ARHGAP32: variants seen among roughly 807,000 people sequenced by gnomAD.
ARHGAP32 encodes the protein rho GTPase-activating protein 32.
Under a neutral mutation model 186.5 loss-of-function variants are expected in ARHGAP32, and 51 were observed. The ratio of observed to expected loss-of-function variants is 0.27; its 90% confidence interval spans 0.22 to 0.35. ARHGAP32 has a LOEUF of 0.35. ARHGAP32 is among the 10% of genes least tolerant of loss of function. ARHGAP32 has a pLI of 1.00. For missense variants in ARHGAP32, 2,186 were observed against 2,623.5 expected (o/e 0.83, Z 3.64); for synonymous variants, 950 against 964.3 (o/e 0.99, Z 0.27).
chr11:129,022,861 ATTTTAGAT>A (rs963938191), intron 11 of ARHGAP32, among the ~76,000 whole-genome samples: 7 of 152,146 alleles, frequency 4.6e-5, no homozygotes, highest in African/African-American at 9.7e-5. Flanking sequence ...AACCTAAGAC[ATTTTAGAT>A]TTCTATCTTC....
At chr11:129,232,663 G>A (rs1288881019) in intron 1 of ARHGAP32, among the ~76,000 whole-genome samples, 1 of 152,084 alleles carries the variant, frequency 6.6e-6, no homozygotes, top group Admixed American at 6.6e-5. Context: ...TGAAGGCTGG[G>A]GGGAAAAATT....
At chr11:129,020,705 C>A (rs1189351841) in intron 11 of ARHGAP32, among the ~76,000 whole-genome samples, 1 of 152,020 alleles carries the variant, frequency 6.6e-6, no homozygotes, top group Non-Finnish European at 1.5e-5. Context: ...TCTCTAGGAA[C>A]CACTTTTTAA....
chr11:129,154,745 G>C (rs1943363385), intron 2 of ARHGAP32, among the ~76,000 whole-genome samples: 1 of 152,122 alleles, frequency 6.6e-6, no homozygotes, highest in East Asian at 1.9e-4. Context: ...GGTGGGAGGT[G>C]AGTGAGGAAC....
At chr11:129,000,733 G>A (rs2134749506) in intron 11 of ARHGAP32, among the ~76,000 whole-genome samples, 1 of 151,868 alleles carries the variant, frequency 6.6e-6, no homozygotes, top group Middle Eastern at 3.4e-3. Flanking sequence ...TCTATTTTTT[G>A]TACCCATTAA....
At position 129,123,306 on chromosome 11, in the gene ARHGAP32, A is replaced by AC; in HGVS notation, c.444+139dup. On this transcript the variant is annotated intron_variant, in intron 5 of 22. Transcript: ENST00000682385. The surrounding 1 kb of genome is among the most constrained non-coding windows in gnomAD (Gnocchi z 4.6). Reference sequence around the variant, plus strand: ...GTCAATAGAAGAGAAGAAAGATTTTACCTCAACCAATAAGACATCAATTAA... The same window carrying AC: ...GTCAATAGAAGAGAAGAAAGATTTTACCCTCAACCAATAAGACATCAATTAA... The AC allele has an allele frequency of 3.1e-6, 2 of 647,166 alleles. No individual in the cohort carries two copies. Among genetic ancestry groups the AC allele is most frequent in the Non-Finnish European group, 5.3e-6 (2 of 379,186 alleles). The allele number at this position is 647,166 out of a possible 1,614,324, so 40.1% of individuals were successfully genotyped here. A position where few individuals can be genotyped will look rare whatever the true frequency, so the allele number is the denominator to read the frequency against.
intron 11 of ARHGAP32, among the ~76,000 whole-genome samples, chr11:129,016,932 T>C (rs1281753146): frequency 6.6e-6 from 1 of 152,200 alleles, no homozygotes; most frequent in Non-Finnish European, 1.5e-5. Flanking sequence ...TACGAACTTT[T>C]GTTGTAGATA....
At chr11:129,066,254 C>T (rs1467664821) in intron 7 of ARHGAP32, among the ~76,000 whole-genome samples, 5 of 152,154 alleles carry the variant, frequency 3.3e-5, no homozygotes, top group African/African-American at 1.2e-4. Context: ...AGATTCCTTA[C>T]AATTTTTGAT....
At chr11:128,980,451 A>T (rs1173033049) in intron 18 of ARHGAP32, 102 bp downstream of exon 18, 1 of 902,974 alleles carries the variant, frequency 1.1e-6, no homozygotes, top group Non-Finnish European at 1.6e-6. Context: ...CCTAGAATTC[A>T]ATAGAGTAAT....
At chr11:129,170,391 TCA>T (rs1943734335) in intron 1 of ARHGAP32, among the ~76,000 whole-genome samples, 1 of 152,102 alleles carries the variant, frequency 6.6e-6, no homozygotes, top group African/African-American at 2.4e-5. Flanking sequence ...CCACCTGTTC[TCA>T]GTGTTCAACT....
In ARHGAP32 at chr11:129,209,274, A is replaced by T. The variant is rs554626474; in HGVS notation, c.-4-44847T>A. Among the ~76,000 whole-genome samples, 15 of 152,260 alleles carry T rather than the reference A, an allele frequency of 9.9e-5. No individual in the cohort carries two copies. In the East Asian group the frequency reaches 2.7e-3, roughly 27 times the overall value. ...CCTTAAGGTGAAAATTATTTTAATT[A>T]GAACTTAATTTAGTTGAAATCTGCA... On this transcript the variant is annotated intron_variant, in intron 1 of 6. Coordinates refer to the ARHGAP32 transcript ENST00000525234.
At chr11:129,188,701 C>T (rs933846224) in intron 1 of ARHGAP32, among the ~76,000 whole-genome samples, 4 of 152,166 alleles carry the variant, frequency 2.6e-5, no homozygotes, top group African/African-American at 9.7e-5. Context: ...ATTGTCCCCC[C>T]CAATTAAAAT....
rs137999526 is a variant in ARHGAP32 at position 129,235,079 on chromosome 11, T to C, written c.-5+44067A>G. 2.7e-3 allele frequency among the ~76,000 whole-genome samples: 415 copies of C among 152,246 alleles called. 1 individual carries two copies. The highest frequency in any genetic ancestry group is 3.9e-3 in the Non-Finnish European group (267 of 68,012). ...GGTGGGCTCTAAATCCAACAATAAT[T>C]ATCCTTATAAGAGACAGAAGAGGCA... On this transcript the variant is annotated intron_variant, in intron 1 of 6. Coordinates refer to the ARHGAP32 transcript ENST00000525234.
At chr11:129,208,820 A>G (rs957015798) in intron 1 of ARHGAP32, among the ~76,000 whole-genome samples, 1 of 152,290 alleles carries the variant, frequency 6.6e-6, no homozygotes, top group South Asian at 2.1e-4. Context: ...CATACTGCAA[A>G]GAAAACAAGT....
chr11:129,221,098 A>C (rs192557567), intron 1 of ARHGAP32, among the ~76,000 whole-genome samples: 1 of 152,154 alleles, frequency 6.6e-6, no homozygotes, highest in African/African-American at 2.4e-5. Context: ...ACAGAAAAAA[A>C]TGAAAGAAAT....
Position 128,974,329 on chromosome 11 carries a change from G to A in ARHGAP32, c.2868C>T (p.Cys956=), listed in dbSNP as rs1172805645. ...TATTTGTGGCATCCCTTTCTTCAAC[G>A]CATTTGTCCCAGGTTGAAGATGATG... ...QNASSSTWDK[C]VEERDATNRS... The change falls in exon 21 of 23, where the codon TGC becomes TGT. Residue 956 remains cysteine (C), a synonymous_variant. Transcript: ENST00000682385. 14 of 1,614,110 alleles carry A rather than the reference G, an allele frequency of 8.7e-6. No individual in the cohort carries two copies. The highest frequency in any genetic ancestry group is 3.3e-5 in the South Asian group (3 of 91,078).
intron 1 of ARHGAP32, among the ~76,000 whole-genome samples, chr11:129,249,726 A>G (rs1945153486): frequency 6.6e-6 from 1 of 152,224 alleles, no homozygotes; most frequent in African/African-American, 2.4e-5. Flanking sequence ...AAACAAATGG[A>G]ATAACAGAAA....
intron 1 of ARHGAP32, among the ~76,000 whole-genome samples, chr11:129,249,111 T>C (rs1945144124): frequency 6.6e-6 from 1 of 152,044 alleles, no homozygotes; most frequent in African/African-American, 2.4e-5. Context: ...AGAGAATCTT[T>C]CTAGAATTCA....
chr11:129,002,324 T>G (rs1256951530), intron 11 of ARHGAP32, among the ~76,000 whole-genome samples: 1 of 152,212 alleles, frequency 6.6e-6, no homozygotes, highest in Admixed American at 6.5e-5. Context: ...CTTTGGTTAA[T>G]TCCTAGGTAT....
chr11:129,257,602 T>C (rs542387928), intron 1 of ARHGAP32, among the ~76,000 whole-genome samples: 19 of 152,088 alleles, frequency 1.2e-4, no homozygotes, highest in Middle Eastern at 3.4e-3. Context: ...AACAAAACTT[T>C]GTTGCTTAAA....
Sources: allele counts gnomAD v4.1 joint callset (sites outside exome capture counted in the v4.1 genomes callset), GRCh38; gene constraint gnomAD v4.1.1; non-coding constraint Gnocchi (gnomAD v3.1); transcripts MANE v1.5; gene names NCBI Gene and HGNC (gene_info 2026-07-23, HGNC 2026-07-21).